Variants in GOLT1A observed in about 807,000 individuals in gnomAD.
GOLT1A encodes golgi transport 1A.
In GOLT1A, 10 loss-of-function variants were observed where a neutral mutation model predicts 16.1. That is an observed-to-expected ratio of 0.62 (90% confidence interval 0.38 to 1.05). The LOEUF is 1.05. GOLT1A is among the 50% of genes least tolerant of loss of function. GOLT1A has a pLI of 0.01. For missense variants in GOLT1A, 137 were observed against 165.7 expected (o/e 0.83, Z 0.95); for synonymous variants, 60 against 67.9 (o/e 0.88, Z 0.57).
chr1:204,199,321 G>A (rs940710935), intron 3 of GOLT1A, 63 bp from the exon 4 acceptor site: 61 of 1,314,542 alleles, frequency 4.6e-5, no homozygotes, highest in East Asian at 3.1e-4. Flanking sequence ...TAGAGGGCAC[G>A]AGGCTGAGGT....
chr1:204,200,207 C>T (rs528630811), intron 3 of GOLT1A, among the ~76,000 whole-genome samples: 229 of 150,902 alleles, frequency 1.5e-3, no homozygotes, highest in African/African-American at 5.4e-3. Flanking sequence ...AGTGCCACAT[C>T]CTCACACCTG....
At chr1:204,203,080 T>C (rs1658988212) in intron 1 of GOLT1A, 93 bp from the exon 2 acceptor site, 1 of 864,986 alleles carries the variant, frequency 1.2e-6, no homozygotes, top group Non-Finnish European at 1.9e-6. Flanking sequence ...AGGTGCCCTC[T>C]ATGGGGGTGA....
At chr1:204,200,309 A>ATATATATATATATATATATATATATATC (rs1658934372) in intron 3 of GOLT1A, among the ~76,000 whole-genome samples, 2 of 116,600 alleles carry the variant, frequency 1.7e-5, no homozygotes, top group African/African-American at 4.1e-5. Flanking sequence ...GTATATATAT[A>ATATATATATATATATATATATATATATC]TATATATATA....
At chr1:204,208,722 T>G (rs1659093521) in intron 1 of GOLT1A, among the ~76,000 whole-genome samples, 4 of 151,730 alleles carry the variant, frequency 2.6e-5, no homozygotes, top group African/African-American at 9.7e-5. Context: ...TAGGAGGGGC[T>G]GAAGGATACA....
Position 204,202,960 on chromosome 1 carries a change from C to T in GOLT1A, c.53G>A (p.Gly18Asp), listed in dbSNP as rs371434517. 4.3e-6 allele frequency: 7 copies of T among 1,613,876 alleles called. No homozygotes were observed. In the Admixed American group the frequency reaches 5.0e-5, roughly 12 times the overall value. Residue 18 changes from glycine to aspartate, a missense_variant, in exon 2 of 5, where the codon GGC becomes GAC. Gly to Asp is a moderately conservative substitution (Grantham distance 94). Coordinates refer to ENST00000308302, the MANE Select transcript of GOLT1A (RefSeq NM_198447.2). Reference protein sequence around the residue: ...QKIGVGITGFGIFFILFGTLL... With the variant: ...QKIGVGITGFDIFFILFGTLL... ...TGTTCCAAAGAGGATGAAGAAGATGCCGAAACCGGTGATCCCCACACCAAT... is the reference window on the plus strand; with the variant it reads ...TGTTCCAAAGAGGATGAAGAAGATGTCGAAACCGGTGATCCCCACACCAAT...
At chr1:204,198,564 G>A (rs1163158851) in intron 4 of GOLT1A, 68 bp from the exon 5 acceptor site, 2 of 1,477,060 alleles carry the variant, frequency 1.4e-6, no homozygotes, top group African/African-American at 2.8e-5. Context: ...AGTTATTACA[G>A]AGCTGGCCTT....
In GOLT1A at chr1:204,201,650, T is replaced by C. The variant is rs557518957; in HGVS notation, c.279A>G (p.Gly93=). The change falls in exon 3 of 5, where the codon GGA becomes GGG. Residue 93 remains glycine (G), a synonymous_variant. Coordinates refer to ENST00000308302, the MANE Select transcript of GOLT1A (RefSeq NM_198447.2). ...GCACTCACTTAAAGAGGCTGAAGAA[T>C]CCGTAGGTTTCCAGGAACATGCCGA... The part of the protein sequence containing the change: ...PLLGMFLETY[G]FFSLFKGFFP... 2 of 1,614,056 alleles carry C rather than the reference T, an allele frequency of 1.2e-6. No homozygotes were observed. Among genetic ancestry groups the C allele is most frequent in the East Asian group, 2.2e-5 (1 of 44,886 alleles).
Position 204,198,391 on chromosome 1 carries a change from G to A in GOLT1A, c.*67C>T. 20 of 1,423,292 alleles carry A rather than the reference G, an allele frequency of 1.4e-5. No homozygotes were observed. Among genetic ancestry groups the A allele is most frequent in the Non-Finnish European group, 2.0e-5 (20 of 1,008,340 alleles). The allele number at this position is 1,423,292 out of a possible 1,614,324, so 88.2% of individuals were successfully genotyped here. A position where few individuals can be genotyped will look rare whatever the true frequency, so the allele number is the denominator to read the frequency against. On this transcript the variant is annotated 3_prime_UTR_variant, in exon 5 of 5. Coordinates refer to ENST00000308302, the MANE Select transcript of GOLT1A (RefSeq NM_198447.2). The stretch of plus-strand genomic sequence containing the variant: ...TGAGTCAGTGCAGGGGACTGAGGGG[G>A]TGGTTCCCATTCTCCCTCTAGCCCC...
At chr1:204,201,855 C>A (rs776356309) in intron 2 of GOLT1A, 44 bp from the exon 3 acceptor site, 1 of 1,587,724 alleles carries the variant, frequency 6.3e-7, no homozygotes, top group South Asian at 1.1e-5. Context: ...CACCAGCCCC[C>A]TGAGGAGTGA....
In GOLT1A at chr1:204,208,383, TAC is replaced by T. The variant is rs1557987134; in HGVS notation, c.26-5398_26-5397del. ...ATATATGTGTGTATCTATACACATATACACACATATGTATACATATATGTATA... is the reference window on the plus strand; with the variant it reads ...ATATATGTGTGTATCTATACACATATACACATATGTATACATATATGTATA... On this transcript the variant is annotated intron_variant, in intron 1 of 4. Coordinates refer to ENST00000308302, the MANE Select transcript of GOLT1A (RefSeq NM_198447.2). 1.1e-4 allele frequency among the ~76,000 whole-genome samples: 9 copies of T among 85,096 alleles called. No homozygotes were observed. The East Asian group carries it at 1.5e-3, about 14-fold the overall frequency. The allele number at this position is 85,096 out of a possible 152,430, so 55.8% of individuals were successfully genotyped here.
intron 1 of GOLT1A, among the ~76,000 whole-genome samples, chr1:204,209,783 G>A (rs947928895): frequency 5.3e-5 from 8 of 152,134 alleles, no homozygotes; most frequent in East Asian, 3.9e-4. Flanking sequence ...GGGCAGGCAC[G>A]GTGGTTTACA....
chr1:204,205,961 G>A (rs945824526), intron 1 of GOLT1A, among the ~76,000 whole-genome samples: 3 of 152,048 alleles, frequency 2.0e-5, no homozygotes, highest in African/African-American at 4.8e-5. Context: ...TCCCAGCTAC[G>A]TGGGAGGCTG....
chr1:204,200,781 C>A (rs1658944521), intron 3 of GOLT1A, among the ~76,000 whole-genome samples: 1 of 152,138 alleles, frequency 6.6e-6, no homozygotes, highest in Non-Finnish European at 1.5e-5. Context: ...CCTGTGAGAA[C>A]CTGGGGATTC....
At chr1:204,202,080 T>C (rs1032619174) in intron 2 of GOLT1A, among the ~76,000 whole-genome samples, 3 of 152,090 alleles carry the variant, frequency 2.0e-5, no homozygotes, top group African/African-American at 7.2e-5. Flanking sequence ...CAAGCATTTT[T>C]CATATGGGAC....
chr1:204,199,341 G>A, intron 3 of GOLT1A, 83 bp from the exon 4 acceptor site: 8 of 1,113,888 alleles, frequency 7.2e-6, no homozygotes, highest in Non-Finnish European at 1.1e-5. Flanking sequence ...TCCACTGAAA[G>A]GTTCAAGCTC....
chr1:204,211,403 T>C (rs1395144340), intron 1 of GOLT1A, among the ~76,000 whole-genome samples: 1 of 152,182 alleles, frequency 6.6e-6, no homozygotes, highest in South Asian at 2.1e-4. Flanking sequence ...ATGGCTTCCA[T>C]GTGAGCCCTC....
At chr1:204,208,454 G>A (rs56384551) in intron 1 of GOLT1A, among the ~76,000 whole-genome samples, 1,860 of 61,542 alleles carry the variant, frequency 0.03, 43 homozygotes, top group Non-Finnish European at 0.041. Flanking sequence ...GTGTATATAT[G>A]TATACTTGTG....
At chr1:204,205,260 C>G (rs1337135920) in intron 1 of GOLT1A, among the ~76,000 whole-genome samples, 1 of 152,104 alleles carries the variant, frequency 6.6e-6, no homozygotes, top group Non-Finnish European at 1.5e-5. Context: ...AATGCTTTCC[C>G]CTATTTTTTA....
intron 1 of GOLT1A, among the ~76,000 whole-genome samples, chr1:204,208,481 T>C (rs1413332545): frequency 1.2e-5 from 1 of 84,070 alleles, no homozygotes; most frequent in Non-Finnish European, 2.7e-5. Flanking sequence ...TGTGTGTATA[T>C]ATATATATAT....
Sources: gnomAD v4.1 joint callset for allele counts (sites outside exome capture counted in the v4.1 genomes callset) on GRCh38, gnomAD v4.1.1 for gene constraint, MANE v1.5 for transcripts, NCBI Gene and HGNC (gene_info 2026-07-23, HGNC 2026-07-21) for gene names.